HSF1: variants seen among roughly 807,000 people sequenced by gnomAD.
The protein encoded by HSF1 is heat shock factor protein 1.
Under a neutral mutation model 51.7 loss-of-function variants are expected in HSF1, and 32 were observed. The ratio of observed to expected loss-of-function variants is 0.62; its 90% confidence interval spans 0.47 to 0.83. HSF1 has a LOEUF of 0.83. HSF1 is among the 40% of genes least tolerant of loss of function. The probability of loss-of-function intolerance (pLI) is 0.00; values close to 1 mark genes in which losing one functional copy is unlikely to be tolerated. For missense variants in HSF1, 727 were observed against 717.0 expected, an observed-to-expected ratio of 1.01 and a Z score of -0.16; for synonymous variants, 396 against 309.7, an observed-to-expected ratio of 1.28 and a Z score of -2.92.
rs567889169 is a variant in HSF1, at chr8:144,307,378, G to A, written c.118-1528G>A. ...ACCCCGCAGCGGCTGCCAGGACGCTGTTCCCACGGGGACTGCAGCTGTTGG... is the reference window on the plus strand; with the variant it reads ...ACCCCGCAGCGGCTGCCAGGACGCTATTCCCACGGGGACTGCAGCTGTTGG... On this transcript the variant is annotated intron_variant, in intron 1 of 12. Coordinates refer to ENST00000528838, the MANE Select transcript of HSF1 (RefSeq NM_005526.4). Among the ~76,000 whole-genome samples, 7 of 152,372 alleles carry A rather than the reference G, an allele frequency of 4.6e-5. 1 individual carries two copies. In the South Asian group the frequency reaches 1.4e-3, roughly 32 times the overall value.
chr8:144,311,649 G>A, intron 7 of HSF1, 48 bp downstream of exon 7: 1 of 1,611,750 alleles, frequency 6.2e-7, no homozygotes, highest in Non-Finnish European at 8.5e-7. Context: ...GGCGGCAGTG[G>A]GGTGGGTTGC....
At position 144,314,311 on chromosome 8, in the gene HSF1, A is replaced by G; in HGVS notation, c.1571A>G (p.Lys524Arg). The change falls in exon 13 of 13, where the codon AAG (lysine) becomes AGG (arginine). Residue 524 changes from lysine (K) to arginine (R), a missense_variant. Lys to Arg is a conservative substitution (Grantham distance 26). Around this residue, in one of 2 missense-constraint regions of HSF1, gnomAD observed 470 missense variants for 398.8 expected, o/e 1.18. Transcript: ENST00000528838. ...ACAGGCTCGGAGCCTCCCAAAGCCA[A>G]GGACCCCACTGTCTCCTAGAGGCCC... ...LLTGSEPPKA[K>R]DPTVS is the part of the protein sequence containing the mutation. The G allele has an allele frequency of 6.5e-7, 1 of 1,550,204 alleles. No individual in the cohort carries two copies. Among genetic ancestry groups the G allele is most frequent in the Non-Finnish European group, 8.7e-7 (1 of 1,146,898 alleles).
intron 5 of HSF1, 30 bp from the exon 6 acceptor site, chr8:144,311,291 C>T: frequency 1.2e-6 from 2 of 1,613,408 alleles, no homozygotes; most frequent in Non-Finnish European, 1.7e-6. Context: ...CCCACAAGGG[C>T]CGGGGTAACT....
At chr8:144,313,157 GC>G in intron 9 of HSF1, 1 of 382,546 alleles carries the variant, frequency 2.6e-6, no homozygotes, top group Non-Finnish European at 4.9e-6. Context: ...ACTGAGCAGA[GC>G]CCCACCTGTT....
At chr8:144,308,858 G>C (rs781907813) in intron 1 of HSF1, 48 bp from the exon 2 acceptor site, 1 of 1,481,252 alleles carries the variant, frequency 6.8e-7, no homozygotes, top group East Asian at 2.3e-5. Context: ...GCTTGGGCAC[G>C]CTGCCCCTCA....
In HSF1 at chr8:144,314,228, G is replaced by A. The variant is rs782227489; in HGVS notation, c.1488G>A (p.Glu496=). The A allele has an allele frequency of 3.2e-6, 5 of 1,550,288 alleles. No individual in the cohort carries two copies. The highest frequency in any genetic ancestry group is 2.4e-5 in the East Asian group (1 of 40,926). The change falls in exon 13 of 13, where the codon GAG becomes GAA. Residue 496 remains glutamate (E), a synonymous_variant. Transcript: ENST00000528838. ...TGCCGGTGCTGTTTGAGCTGGGAGA[G>A]GGCTCCTACTTCTCCGAAGGGGACG... The part of the protein sequence containing the change: ...NDLPVLFELG[E]GSYFSEGDGF...
chr8:144,311,535 A>G lies in HSF1; in HGVS notation c.657A>G (p.Ala219=), dbSNP rs1554844503. The G allele has an allele frequency of 1.9e-6, 3 of 1,613,568 alleles. No individual in the cohort carries two copies. The highest frequency in any genetic ancestry group is 4.5e-5 in the East Asian group (2 of 44,874). The part of the protein sequence containing the change: ...IPLMLNDSGS[A]HSMPKYSRQF... ...TGATGCTGAACGACAGTGGCTCAGC[A>G]CATTCCATGCCCAAGTATAGCCGGC... Residue 219 remains alanine (A), a synonymous_variant, in exon 7 of 13, where the codon GCA becomes GCG. Coordinates refer to ENST00000528838, the MANE Select transcript of HSF1 (RefSeq NM_005526.4).
At chr8:144,292,351 T>C (rs1340937032) in intron 1 of HSF1, 1 of 152,606 alleles carries the variant, frequency 6.6e-6, no homozygotes, top group East Asian at 1.9e-4. Flanking sequence ...GGAAAGGCAG[T>C]GGAAACAGTA....
chr8:144,301,100 A>G (rs1815831977), intron 1 of HSF1, among the ~76,000 whole-genome samples: 1 of 152,176 alleles, frequency 6.6e-6, no homozygotes, highest in Non-Finnish European at 1.5e-5. Flanking sequence ...AGGTTCCAGA[A>G]AACAGTGGGG....
At chr8:144,305,030 C>G (rs1816121956) in intron 1 of HSF1, among the ~76,000 whole-genome samples, 1 of 151,408 alleles carries the variant, frequency 6.6e-6, no homozygotes, top group Non-Finnish European at 1.5e-5. Context: ...TCACTGCAAC[C>G]TCTGCCTCCT....
intron 9 of HSF1, 180 bp from the exon 10 acceptor site, chr8:144,313,331 G>A: frequency 3.5e-6 from 2 of 573,510 alleles, no homozygotes; most frequent in African/African-American, 1.9e-5. Context: ...ACCCCTGCAG[G>A]GCACAGAGCC....
rs572266212 is a variant in HSF1 at position 144,314,368 on chromosome 8, C to G, written c.*38C>G. 5 of 1,516,258 alleles carry G rather than the reference C, an allele frequency of 3.3e-6. No individual in the cohort carries two copies. The highest frequency in any genetic ancestry group is 4.5e-6 in the Non-Finnish European group (5 of 1,118,272). 93.9% of individuals were successfully genotyped at this position (1,516,258 alleles called of 1,614,324 possible). A position where few individuals can be genotyped will look rare whatever the true frequency, so the allele number is the denominator to read the frequency against. ...AGCTGGGCCAGCCGCCCACCCCCAC[C>G]CCCAGTGCAGGGCTGGTCTTGGGGA... On this transcript the variant is annotated 3_prime_UTR_variant, in exon 13 of 13. Coordinates refer to ENST00000528838, the MANE Select transcript of HSF1 (RefSeq NM_005526.4).
At chr8:144,311,151 T>C (rs782192401) in intron 4 of HSF1, 23 bp from the exon 5 acceptor site, 1 of 1,579,300 alleles carries the variant, frequency 6.3e-7, no homozygotes, top group Non-Finnish European at 8.6e-7. Flanking sequence ...TGGGCCCCAC[T>C]GACCCAGCCT....
At position 144,313,495 on chromosome 8, in the gene HSF1, C is replaced by T. The variant is rs2130466225; in HGVS notation, c.1143-16C>T. ...GCCTGGGGCACTGGTTCAGGTACCG[C>T]CTTATCCCGGGCCAGGAATGAGCTC... is the stretch of plus-strand genomic sequence containing the variant. On this transcript the variant is annotated splice_polypyrimidine_tract_variant and intron_variant, in intron 9 of 12. Coordinates refer to ENST00000528838, the MANE Select transcript of HSF1 (RefSeq NM_005526.4). 1.9e-6 allele frequency: 3 copies of T among 1,568,982 alleles called. No individual in the cohort carries two copies. The highest frequency in any genetic ancestry group is 2.2e-5 in the East Asian group (1 of 44,568).
chr8:144,310,685 C>T, intron 4 of HSF1: 1 of 186,986 alleles, frequency 5.3e-6, no homozygotes, highest in Middle Eastern at 2.7e-3. Context: ...GCGGTCATGG[C>T]CCTGCTCACC....
intron 1 of HSF1, among the ~76,000 whole-genome samples, chr8:144,298,585 C>T (rs1815639149): frequency 1.4e-5 from 2 of 143,760 alleles, no homozygotes; most frequent in African/African-American, 5.2e-5. Flanking sequence ...AGCCACAGAG[C>T]GAGAAACTGT....
In HSF1 at chr8:144,314,008, G is replaced by A. The variant is rs1554845945; in HGVS notation, c.1338G>A (p.Gln446=). 6.2e-7 allele frequency: 1 copy of A among 1,611,006 alleles called. No homozygotes were observed. The highest frequency in any genetic ancestry group is 2.2e-5 in the East Asian group (1 of 44,722). Residue 446 remains glutamine, a synonymous_variant, in exon 12 of 13, where the codon CAG becomes CAA. Transcript: ENST00000528838. ...AGATCCAAGAGCTCCTGTCTCCCCAGGAGCCCCCCAGGCCTCCCGAGGCAG... is the reference window on the plus strand; with the variant it reads ...AGATCCAAGAGCTCCTGTCTCCCCAAGAGCCCCCCAGGCCTCCCGAGGCAG... ...LASIQELLSP[Q]EPPRPPEAEN... is the part of the protein sequence containing the mutation.
In HSF1 at chr8:144,311,498, C is replaced by T. The variant is rs782284111; in HGVS notation, c.627-7C>T. The T allele has an allele frequency of 1.2e-6, 2 of 1,613,538 alleles. No homozygotes were observed. Among genetic ancestry groups the T allele is most frequent in the South Asian group, 2.2e-5 (2 of 91,088 alleles). On this transcript the variant is annotated splice_polypyrimidine_tract_variant and splice_region_variant and intron_variant, in intron 6 of 12. Coordinates refer to ENST00000528838, the MANE Select transcript of HSF1 (RefSeq NM_005526.4). ...GGGTGGTGGCTGACCTGCACCCTTC[C>T]CCACAGCCCCCTGATGCTGAACGAC...
At chr8:144,295,715 T>TTC (rs1448468379) in intron 1 of HSF1, among the ~76,000 whole-genome samples, 1 of 148,664 alleles carries the variant, frequency 6.7e-6, no homozygotes, top group African/African-American at 2.5e-5. Flanking sequence ...AGACCTGGCT[T>TTC]TTTTTTTTTT....
Sources: gnomAD v4.1 joint callset for allele counts (sites outside exome capture counted in the v4.1 genomes callset) on GRCh38, gnomAD v4.1.1 for gene constraint, gnomAD v4.1.1 regional missense constraint, MANE v1.5 for transcripts, NCBI Gene and HGNC (gene_info 2026-07-23, HGNC 2026-07-21) for gene names.